MOV10L1: variants seen among roughly 807,000 people sequenced by gnomAD.
MOV10L1 encodes the protein Mov10 like RNA helicase 1.
In MOV10L1, 110 loss-of-function variants were observed where a neutral mutation model predicts 143.8. The ratio of observed to expected loss-of-function variants is 0.76; its 90% confidence interval spans 0.66 to 0.90. The LOEUF (loss-of-function observed/expected upper bound fraction) is 0.90. Among genes scored for constraint, MOV10L1 ranks in the 40% least tolerant of loss-of-function variants. The probability of loss-of-function intolerance (pLI) is 0.00; values close to 1 mark genes in which losing one functional copy is unlikely to be tolerated. For synonymous variants in MOV10L1, 593 were observed against 581.1 expected (o/e 1.02, Z -0.29); for missense variants, 1,406 against 1,526.8 (o/e 0.92, Z 1.32).
intron 22 of MOV10L1, among the ~76,000 whole-genome samples, chr22:50,153,604 C>G (rs2063352862): frequency 6.6e-6 from 1 of 152,276 alleles, no homozygotes; most frequent in East Asian, 1.9e-4. Flanking sequence ...CCCGGTGCTT[C>G]CCTCGAGGGT....
Position 50,099,541 on chromosome 22 carries a change from G to T in MOV10L1, c.381G>T (p.Leu127=). The stretch of plus-strand genomic sequence containing the variant: ...TGTTGATTGGCTGTGTGACTTCCCT[G>T]GTGGAGGGCGCAGGCTGTATCAGTC... The part of the protein sequence containing the change: ...PRVLIGCVTS[L]VEGAGCISQT... The change falls in exon 3 of 27, where the codon CTG becomes CTT. Residue 127 remains leucine, a synonymous_variant. Coordinates refer to ENST00000262794, the MANE Select transcript of MOV10L1 (RefSeq NM_018995.3). 1 of 1,614,220 alleles carries T rather than the reference G, an allele frequency of 6.2e-7. No homozygotes were observed. The highest frequency in any genetic ancestry group is 1.3e-5 in the African/African-American group (1 of 75,046).
Position 50,114,601 on chromosome 22 carries a change from A to G in MOV10L1, c.1105A>G (p.Asn369Asp). 6.2e-7 allele frequency: 1 copy of G among 1,614,100 alleles called. No homozygotes were observed. The highest frequency in any genetic ancestry group is 1.1e-5 in the South Asian group (1 of 91,078). The change falls in exon 7 of 27, where the codon AAC becomes GAC. Residue 369 changes from asparagine to aspartate, a missense_variant. Physicochemically the swap from Asn to Asp is conservative, Grantham distance 23. Around this residue, in one of 3 missense-constraint regions of MOV10L1, gnomAD observed 1,233 missense variants for 1,351.4 expected, o/e 0.91. Transcript: ENST00000262794. ...TSQMSESSLV[N>D]NRGISPGDCT... ...TCAGATGTCGGAGAGCAGTTTGGTG[A>G]ACAACAGAGGAATCTCTCCAGGTAG...
intron 1 of MOV10L1, 102 bp from the exon 2 acceptor site, chr22:50,091,899 C>CA: frequency 1.7e-6 from 2 of 1,192,914 alleles, no homozygotes; most frequent in South Asian, 3.0e-5. Context: ...CTCCGAACTG[C>CA]AAAAAAAGGA....
At chr22:50,156,407 C>T (rs769103831) in intron 22 of MOV10L1, among the ~76,000 whole-genome samples, 12 of 152,172 alleles carry the variant, frequency 7.9e-5, no homozygotes, top group Non-Finnish European at 1.3e-4. Context: ...TGAGCCACCA[C>T]GCCTGGACTC....
chr22:50,134,534 G>C lies in MOV10L1; in HGVS notation c.1974G>C (p.Leu658Phe), dbSNP rs749527673. The C allele has an allele frequency of 6.2e-7, 1 of 1,613,966 alleles. No homozygotes were observed. The highest frequency in any genetic ancestry group is 8.5e-7 in the Non-Finnish European group (1 of 1,179,892). The change falls in exon 15 of 27, where the codon TTG becomes TTC. Residue 658 changes from leucine (L) to phenylalanine (F), a missense_variant. Leu to Phe is a conservative substitution (Grantham distance 22). Transcript: ENST00000262794. ...EHVIHLGVKV[L>F]FPEEIILQSP... ...TACCATTTTTTGTTTTAAAAGTGTTGTTTCCAGAAGAAATTATTTTACAGT... is the reference window on the plus strand; with the variant it reads ...TACCATTTTTTGTTTTAAAAGTGTTCTTTCCAGAAGAAATTATTTTACAGT...
At chr22:50,160,179 G>C (rs945446889) in intron 24 of MOV10L1, among the ~76,000 whole-genome samples, 25 of 151,590 alleles carry the variant, frequency 1.6e-4, no homozygotes, top group African/African-American at 5.8e-4. Flanking sequence ...GTGCCGATGA[G>C]ACCCACCCCT....
chr22:50,108,509 G>A, intron 4 of MOV10L1, 148 bp from the exon 5 acceptor site: 1 of 843,128 alleles, frequency 1.2e-6, no homozygotes, highest in Admixed American at 2.2e-5. Context: ...AGGTGTGTTG[G>A]AGAATCACTG....
intron 9 of MOV10L1, among the ~76,000 whole-genome samples, chr22:50,118,387 A>G (rs1462727292): frequency 1.3e-5 from 2 of 152,202 alleles, no homozygotes; most frequent in African/African-American, 4.8e-5. Flanking sequence ...TTCTGGCACA[A>G]AGCAATCACT....
chr22:50,160,620 C>T lies in MOV10L1; in HGVS notation c.3325-68C>T, dbSNP rs1436863031. ...AACATTTTTAAATGTTTTTATATAT[C>T]AAGAGTTTCTCTTCATGCCCCCCAA... is the stretch of plus-strand genomic sequence containing the variant. On this transcript the variant is annotated intron_variant, in intron 24 of 26. Transcript: ENST00000262794. 4 of 1,528,032 alleles carry T rather than the reference C, an allele frequency of 2.6e-6. No homozygotes were observed. The African/African-American group carries it at 5.6e-5, about 21-fold the overall frequency. The allele number at this position is 1,528,032 out of a possible 1,614,324, so 94.7% of individuals were successfully genotyped here. A position where few individuals can be genotyped will look rare whatever the true frequency, so the allele number is the denominator to read the frequency against.
chr22:50,108,845 G>A lies in MOV10L1; in HGVS notation c.743+1G>A, dbSNP rs779231200. On this transcript the variant is annotated splice_donor_variant, in intron 5 of 26. Coordinates refer to ENST00000262794, the MANE Select transcript of MOV10L1 (RefSeq NM_018995.3). LOFTEE classifies it high-confidence loss of function. ...TTTGTATGACCCTAGTGAAGAGGCG[G>A]TAAGAAAATGCTTTTCTGGCCAGGT... The A allele has an allele frequency of 6.2e-7, 1 of 1,613,762 alleles. No homozygotes were observed. The highest frequency in any genetic ancestry group is 8.5e-7 in the Non-Finnish European group (1 of 1,179,744).
At chr22:50,116,439 T>C (rs1602203187) in intron 8 of MOV10L1, among the ~76,000 whole-genome samples, 1 of 131,234 alleles carries the variant, frequency 7.6e-6, no homozygotes. Context: ...AGAGCGAGAC[T>C]CCGTCTCAAA....
In MOV10L1 at chr22:50,093,321, A is replaced by G. The variant is rs535902256; in HGVS notation, c.282+1136A>G. ...AGAGCTTTTTAAGGAAAATTATTATATGAAAGTGTTAGGAATATTTTCCCC... is the reference window on the plus strand; with the variant it reads ...AGAGCTTTTTAAGGAAAATTATTATGTGAAAGTGTTAGGAATATTTTCCCC... On this transcript the variant is annotated intron_variant, in intron 2 of 26. Coordinates refer to ENST00000262794, the MANE Select transcript of MOV10L1 (RefSeq NM_018995.3). The G allele has an allele frequency of 2.6e-5, 4 of 152,308 alleles. No homozygotes were observed. In the East Asian group the frequency reaches 7.7e-4, roughly 29 times the overall value. 9.4% of individuals were successfully genotyped at this position (152,308 alleles called of 1,614,324 possible). A position where few individuals can be genotyped will look rare whatever the true frequency, so the allele number is the denominator to read the frequency against.
intron 22 of MOV10L1, 136 bp downstream of exon 22, chr22:50,153,354 C>T (rs2063346460): frequency 1.8e-6 from 2 of 1,081,548 alleles, no homozygotes; most frequent in African/African-American, 1.6e-5. Context: ...GAGTGAAAAG[C>T]CATCGGGGGC....
Position 50,108,254 on chromosome 22 carries a change from G to C in MOV10L1, c.555+6G>C. 6.2e-7 allele frequency: 1 copy of C among 1,605,808 alleles called. No homozygotes were observed. Among genetic ancestry groups the C allele is most frequent in the Non-Finnish European group, 8.5e-7 (1 of 1,175,706 alleles). Reference sequence around the variant, plus strand: ...GATACAAGCGCGTGGACAAGGTAGCGTGCCGACTAGTGGCTCCTCTCTGTG... The same window carrying C: ...GATACAAGCGCGTGGACAAGGTAGCCTGCCGACTAGTGGCTCCTCTCTGTG... On this transcript the variant is annotated splice_donor_region_variant and intron_variant, in intron 4 of 26. Transcript: ENST00000262794.
intron 22 of MOV10L1, among the ~76,000 whole-genome samples, chr22:50,157,657 C>T (rs1048036712): frequency 6.6e-6 from 1 of 151,426 alleles, no homozygotes; most frequent in Non-Finnish European, 1.5e-5. Flanking sequence ...TCCGTTCTAC[C>T]CTGTTGATCT....
chr22:50,100,158 A>G (rs1362352527), intron 3 of MOV10L1, among the ~76,000 whole-genome samples: 1 of 151,344 alleles, frequency 6.6e-6, no homozygotes, highest in Non-Finnish European at 1.5e-5. Flanking sequence ...TGCCCAGCTA[A>G]TTTTTTGTAT....
intron 19 of MOV10L1, among the ~76,000 whole-genome samples, 164 bp downstream of exon 19, chr22:50,145,974 G>T (rs1015133248): frequency 6.6e-6 from 1 of 152,178 alleles, no homozygotes; most frequent in African/African-American, 2.4e-5. Context: ...TGCCTGAATG[G>T]AGCTGGGGAA....
chr22:50,156,751 A>T lies in MOV10L1; in HGVS notation c.3067-1306A>T, dbSNP rs563832620. 2.0e-5 allele frequency among the ~76,000 whole-genome samples: 3 copies of T among 152,342 alleles called. No individual in the cohort carries two copies. The East Asian group carries it at 5.8e-4, about 29-fold the overall frequency. Reference sequence around the variant, plus strand: ...GCATTGTATTGTGTGTATACACCATACTTGGCGTATCAGTTCATCTATCAG... The same window carrying T: ...GCATTGTATTGTGTGTATACACCATTCTTGGCGTATCAGTTCATCTATCAG... On this transcript the variant is annotated intron_variant, in intron 22 of 26. Coordinates refer to ENST00000262794, the MANE Select transcript of MOV10L1 (RefSeq NM_018995.3).
chr22:50,146,939 T>C, intron 19 of MOV10L1: 2 of 880,382 alleles, frequency 2.3e-6, no homozygotes, highest in Non-Finnish European at 3.6e-6. Flanking sequence ...CATGTCAGGT[T>C]TCAGACTAGC....
Sources: allele counts gnomAD v4.1 joint callset (sites outside exome capture counted in the v4.1 genomes callset), GRCh38; gene constraint gnomAD v4.1.1; regional missense constraint gnomAD v4.1.1; transcripts MANE v1.5; gene names NCBI Gene and HGNC (gene_info 2026-07-23, HGNC 2026-07-21).